Variants in ZPLD1 observed in about 807,000 individuals in gnomAD.
ZPLD1 encodes the protein zona pellucida like domain containing 1, also known as zona pellucida-like domain-containing protein 1.
In ZPLD1, 34 loss-of-function variants were observed where a neutral mutation model predicts 47.2. The ratio of observed to expected loss-of-function variants is 0.72; its 90% CI spans 0.55 to 0.96. The LOEUF (loss-of-function observed/expected upper bound fraction) is 0.96, where lower values mean the gene tolerates loss of function less well. ZPLD1 is among the 40% of genes least tolerant of loss of function. ZPLD1 has a pLI of 0.00. For synonymous variants in ZPLD1, 176 were observed against 186.2 expected, an observed-to-expected ratio of 0.95 and a Z score of 0.45; for missense variants, 512 against 505.8, an observed-to-expected ratio of 1.01 and a Z score of -0.12.
chr3:102,448,277 AC>A (rs1707287287), intron 3 of ZPLD1, among the ~76,000 whole-genome samples: 1 of 152,146 alleles, frequency 6.6e-6, no homozygotes, highest in South Asian at 2.1e-4. Flanking sequence ...TAAAAATCAA[AC>A]CCCTAAAGAT....
intron 3 of ZPLD1, among the ~76,000 whole-genome samples, chr3:102,451,791 C>T (rs1300822453): frequency 6.6e-6 from 1 of 152,094 alleles, no homozygotes; most frequent in Non-Finnish European, 1.5e-5. Context: ...GGTTTCTCCC[C>T]GTGTCTCTGT....
At chr3:102,460,359 A>G (rs748474662) in intron 6 of ZPLD1, among the ~76,000 whole-genome samples, 2 of 152,000 alleles carry the variant, frequency 1.3e-5, no homozygotes, top group Admixed American at 6.6e-5. Flanking sequence ...TCTGGGATTC[A>G]GTAAGTATAC....
rs1009616232 is a variant in ZPLD1 at position 102,416,671 on chromosome 3, A to G, written c.-156-1389A>G. Among the ~76,000 whole-genome samples, 11 of 152,112 alleles carry G rather than the reference A, an allele frequency of 7.2e-5. No individual in the cohort carries two copies. The South Asian group carries it at 2.3e-3, about 32-fold the overall frequency. On this transcript the variant is annotated intron_variant, in intron 7 of 17. Transcript: ENST00000491959. ...AATAAATGTACATATTTGGGGGTACATGCAATAATTTGATACATTAATGAT... is the reference window on the plus strand; with the variant it reads ...AATAAATGTACATATTTGGGGGTACGTGCAATAATTTGATACATTAATGAT...
Position 102,457,817 on chromosome 3 carries a change from C to A in ZPLD1, c.546C>A (p.Gly182=), listed in dbSNP as rs767077079. Residue 182 remains glycine, a synonymous_variant, in exon 6 of 12, where the codon GGC becomes GGA. Transcript: ENST00000466937. ...SAAISVRENN[G]TFVSTLNLLL... ...CTATTTCTGTGAGAGAGAACAATGG[C>A]ACATTTGTCAGCACTTTGAACCTGC... 3.1e-6 allele frequency: 5 copies of A among 1,613,776 alleles called. No individual in the cohort carries two copies. The African/African-American group carries it at 6.7e-5, about 22-fold the overall frequency.
chr3:102,462,439 G>A, intron 7 of ZPLD1, 61 bp downstream of exon 7: 6 of 1,160,186 alleles, frequency 5.2e-6, no homozygotes, highest in Non-Finnish European at 7.5e-6. Flanking sequence ...ATCCTCATGA[G>A]TCATAAAGTT....
intron 7 of ZPLD1, among the ~76,000 whole-genome samples, chr3:102,408,568 A>T (rs1361645147): frequency 6.6e-6 from 1 of 151,936 alleles, no homozygotes; most frequent in Non-Finnish European, 1.5e-5. Flanking sequence ...AAGAAAAATT[A>T]TCAGCAGACC....
Position 102,462,494 on chromosome 3 carries a change from A to G in ZPLD1, c.680+116A>G, listed in dbSNP as rs951557184. On this transcript the variant is annotated intron_variant, in intron 7 of 11. Coordinates refer to ENST00000466937, the MANE Select transcript of ZPLD1 (RefSeq NM_001329788.2). ...TCAGTTTGAAAATATTATCATTGCC[A>G]CACCATTTAGGCATGCTACTAAAAA... The G allele has an allele frequency of 4.7e-6, 3 of 631,636 alleles. No individual in the cohort carries two copies. The Admixed American group carries it at 9.7e-5, about 20-fold the overall frequency. 39.1% of individuals were successfully genotyped at this position (631,636 alleles called of 1,614,324 possible).
intron 1 of ZPLD1, among the ~76,000 whole-genome samples, chr3:102,436,042 G>C (rs1707086474): frequency 6.6e-6 from 1 of 152,216 alleles, no homozygotes; most frequent in Non-Finnish European, 1.5e-5. Context: ...TTCTGTTAAA[G>C]AAAGCTGCCT....
At chr3:102,458,469 T>A (rs147084513) in intron 6 of ZPLD1, among the ~76,000 whole-genome samples, 2 of 152,308 alleles carry the variant, frequency 1.3e-5, no homozygotes, top group African/African-American at 4.8e-5. Context: ...TGATTAAAAA[T>A]TTTTATTCAT....
chr3:102,406,695 G>A (rs1364868711), intron 7 of ZPLD1, among the ~76,000 whole-genome samples: 3 of 151,802 alleles, frequency 2.0e-5, no homozygotes, highest in Non-Finnish European at 2.9e-5. Context: ...GCTACATTCA[G>A]AAGTTCTTAA....
chr3:102,463,981 C>T lies in ZPLD1; in HGVS notation c.681-190C>T, dbSNP rs1429256135. On this transcript the variant is annotated intron_variant, in intron 7 of 11. Coordinates refer to ENST00000466937, the MANE Select transcript of ZPLD1 (RefSeq NM_001329788.2). ...AGGAGAATGTCGTGAACCCAGGAGG[C>T]GGAGCTTGCAGTGAGCCGAGGTGGT... 2.6e-5 allele frequency among the ~76,000 whole-genome samples: 4 copies of T among 151,704 alleles called. No homozygotes were observed. In the East Asian group the frequency reaches 7.7e-4, roughly 29 times the overall value.
chr3:102,428,515 G>A (rs1453234416), intron 8 of ZPLD1, among the ~76,000 whole-genome samples: 1 of 151,734 alleles, frequency 6.6e-6, no homozygotes, highest in Non-Finnish European at 1.5e-5. Context: ...ATTTTTAAGT[G>A]GCCTTTGAAA....
chr3:102,405,887 C>A (rs1706675386), intron 7 of ZPLD1, among the ~76,000 whole-genome samples: 1 of 151,954 alleles, frequency 6.6e-6, no homozygotes, highest in Admixed American at 6.6e-5. Context: ...CCTTGGTTTT[C>A]TCTTTGTTAA....
At chr3:102,426,274 T>C (rs1706946419) in intron 8 of ZPLD1, among the ~76,000 whole-genome samples, 1 of 152,028 alleles carries the variant, frequency 6.6e-6, no homozygotes, top group African/African-American at 2.4e-5. Context: ...TCCCAGCACT[T>C]TGGGAGGCTG....
At chr3:102,464,006 T>C (rs62272493) in intron 7 of ZPLD1, among the ~76,000 whole-genome samples, 165 bp from the exon 8 acceptor site, 23,393 of 151,874 alleles carry the variant, frequency 0.15, 1,846 homozygotes, top group Middle Eastern at 0.18. Flanking sequence ...GCCGAGGTGG[T>C]GCCACTGCAC....
At chr3:102,399,976 G>A (rs538740503) in intron 7 of ZPLD1, among the ~76,000 whole-genome samples, 44 of 151,850 alleles carry the variant, frequency 2.9e-4, no homozygotes, top group Non-Finnish European at 5.3e-4. Context: ...GCACCACCAT[G>A]CCCTGCTAAT....
chr3:102,455,620 A>T (rs922879131), intron 4 of ZPLD1, among the ~76,000 whole-genome samples: 1 of 152,208 alleles, frequency 6.6e-6, no homozygotes, highest in African/African-American at 2.4e-5. Context: ...GGTGGACAAG[A>T]TGGTCCCTGC....
At chr3:102,464,044 C>T (rs1290520813) in intron 7 of ZPLD1, 127 bp from the exon 8 acceptor site, 2 of 695,250 alleles carry the variant, frequency 2.9e-6, no homozygotes, top group Non-Finnish European at 4.8e-6. Context: ...AACAAGACTC[C>T]GTCTCAAAAA....
Position 102,479,300 on chromosome 3 carries a change from C to A in ZPLD1, c.*1682C>A, listed in dbSNP as rs1266265865. ...TATCTGTGTTAACATGATTAACTGA[C>A]CATACTACTAATGTGACCCTGTATA... On this transcript the variant is annotated 3_prime_UTR_variant, in exon 12 of 12. Transcript: ENST00000466937. The A allele has an allele frequency of 2.0e-5, 3 of 152,142 alleles. No homozygotes were observed. Among genetic ancestry groups the A allele is most frequent in the African/African-American group, 4.8e-5 (2 of 41,440 alleles). The allele number at this position is 152,142 out of a possible 1,614,324, so 9.4% of individuals were successfully genotyped here.
Sources: allele counts gnomAD v4.1 joint callset (sites outside exome capture counted in the v4.1 genomes callset), GRCh38; gene constraint gnomAD v4.1.1; transcripts MANE v1.5; gene names NCBI Gene and HGNC (gene_info 2026-07-23, HGNC 2026-07-21).